The following TRUB1 variants were observed in gnomAD, a reference collection of about 807,000 sequenced individuals.
TRUB1 encodes TruB pseudouridine synthase family member 1.
A neutral mutation model predicts 33.9 loss-of-function variants in TRUB1; 23 were observed. The ratio of observed to expected loss-of-function variants is 0.68; its 90% CI spans 0.49 to 0.96. TRUB1 has a LOEUF of 0.96. Among genes scored for constraint, TRUB1 ranks in the 40% least tolerant of loss-of-function variants. The probability of loss-of-function intolerance (pLI) is 0.00; values close to 1 mark genes in which losing one functional copy is unlikely to be tolerated. For synonymous variants in TRUB1, 163 were observed against 165.4 expected (o/e 0.99, Z 0.11); for missense variants, 378 against 422.2 (o/e 0.90, Z 0.92).
chr10:114,945,554 T>TA (rs1431406586), intron 2 of TRUB1, among the ~76,000 whole-genome samples: 1 of 152,246 alleles, frequency 6.6e-6, no homozygotes, highest in Non-Finnish European at 1.5e-5. Flanking sequence ...GTTTAGTTTT[T>TA]ACCCTGAACC....
At chr10:114,961,011 T>C (rs58040011) in intron 4 of TRUB1, among the ~76,000 whole-genome samples, 11,174 of 152,182 alleles carry the variant, frequency 0.073, 785 homozygotes, top group African/African-American at 0.18. Flanking sequence ...TACCACGTGG[T>C]GAAAAATATA....
intron 3 of TRUB1, among the ~76,000 whole-genome samples, chr10:114,953,931 A>G (rs1359197996): frequency 2.6e-5 from 4 of 152,236 alleles, no homozygotes; most frequent in Middle Eastern, 6.8e-3. Flanking sequence ...AACCCAGACA[A>G]TTCCCACCAT....
intron 3 of TRUB1, among the ~76,000 whole-genome samples, chr10:114,957,660 A>C (rs796634831): frequency 4.6e-5 from 7 of 152,344 alleles, no homozygotes; most frequent in African/African-American, 1.7e-4. Context: ...GTTCAAGGCC[A>C]GGGAAGTGGC....
chr10:114,950,376 T>C (rs978217302), intron 2 of TRUB1, among the ~76,000 whole-genome samples: 1 of 152,256 alleles, frequency 6.6e-6, no homozygotes, highest in Non-Finnish European at 1.5e-5. Context: ...GATTGTATTG[T>C]GTTCTTATGC....
intron 3 of TRUB1, among the ~76,000 whole-genome samples, chr10:114,954,213 G>A (rs917551784): frequency 6.6e-5 from 10 of 152,112 alleles, no homozygotes; most frequent in South Asian, 2.1e-4. Flanking sequence ...ATGGAGTTAC[G>A]TCAAGAGTAG....
chr10:114,958,954 G>C (rs1031483734), intron 3 of TRUB1, among the ~76,000 whole-genome samples: 1 of 151,588 alleles, frequency 6.6e-6, no homozygotes, highest in African/African-American at 2.4e-5. Context: ...TGACAACATG[G>C]TGAAACCCCA....
chr10:114,970,316 G>A (rs2084329500), intron 4 of TRUB1, 52 bp from the exon 5 acceptor site: 1 of 1,289,224 alleles, frequency 7.8e-7, no homozygotes, highest in African/African-American at 1.5e-5. Flanking sequence ...TGTGAAAATA[G>A]TACATGTACT....
At chr10:114,951,018 G>T in intron 2 of TRUB1, 76 bp from the exon 3 acceptor site, 1 of 1,326,786 alleles carries the variant, frequency 7.5e-7, no homozygotes, top group South Asian at 1.3e-5. Flanking sequence ...GGGAAATTAT[G>T]ACCAAAAAAT....
rs141707421 is a variant in TRUB1, at chr10:114,976,729, G to C, written c.*1350G>C. ...AAACTCAATGTAAAATGTTATATAT[G>C]CATCAGTACAGCATTTTCAACATAT... On this transcript the variant is annotated 3_prime_UTR_variant, in exon 8 of 8. Coordinates refer to ENST00000298746, the MANE Select transcript of TRUB1 (RefSeq NM_139169.5). 3 of 152,028 alleles carry C rather than the reference G, an allele frequency of 2.0e-5. No homozygotes were observed. The East Asian group carries it at 5.8e-4, about 29-fold the overall frequency. The allele number at this position is 152,028 out of a possible 1,614,324, so 9.4% of individuals were successfully genotyped here.
chr10:114,941,941 C>A (rs1275995656), intron 1 of TRUB1, among the ~76,000 whole-genome samples: 1 of 152,126 alleles, frequency 6.6e-6, no homozygotes, highest in African/African-American at 2.4e-5. Flanking sequence ...CCCGCCACCA[C>A]GTCCGGCTAA....
intron 3 of TRUB1, among the ~76,000 whole-genome samples, chr10:114,953,444 TA>T (rs2084246092): frequency 6.6e-6 from 1 of 152,194 alleles, no homozygotes; most frequent in Non-Finnish European, 1.5e-5. Context: ...TATTTTTTAA[TA>T]AAAAGTAGTT....
chr10:114,946,559 G>A lies in TRUB1; in HGVS notation c.385+3816G>A, dbSNP rs146892662. Among the ~76,000 whole-genome samples, 167 of 152,016 alleles carry A rather than the reference G, an allele frequency of 1.1e-3. 2 individuals are homozygous for A. The East Asian group carries it at 0.031, about 28-fold the overall frequency. On this transcript the variant is annotated intron_variant, in intron 2 of 7. Coordinates refer to ENST00000298746, the MANE Select transcript of TRUB1 (RefSeq NM_139169.5). The stretch of plus-strand genomic sequence containing the variant: ...GTTTCATCATGTTGACCAGGGTGGT[G>A]TTGGACTCCTGATCTCAAGTGATCT...
At position 114,942,198 on chromosome 10, in the gene TRUB1, A is replaced by G. The variant is rs146790211; in HGVS notation, c.287-447A>G. Among the ~76,000 whole-genome samples, 131 of 152,344 alleles carry G rather than the reference A, an allele frequency of 8.6e-4. 2 individuals are homozygous for G. The highest frequency in any genetic ancestry group is 2.1e-3 in the Admixed American group (32 of 15,304). ...TAGCCCTGCATGAGATGTACTCGCA[A>G]TGTTAGGTAGCTGGAGATAGCAGCA... On this transcript the variant is annotated intron_variant, in intron 1 of 7. Transcript: ENST00000298746.
intron 1 of TRUB1, among the ~76,000 whole-genome samples, chr10:114,939,793 C>T (rs1290253713): frequency 6.7e-6 from 1 of 148,864 alleles, no homozygotes; most frequent in Admixed American, 6.7e-5. Context: ...CTGCTGCTTT[C>T]CTGATTTGTT....
At chr10:114,964,386 A>T (rs2084297806) in intron 4 of TRUB1, among the ~76,000 whole-genome samples, 1 of 151,476 alleles carries the variant, frequency 6.6e-6, no homozygotes, top group African/African-American at 2.4e-5. Flanking sequence ...TTTATTAAGC[A>T]CCTTCCATTC....
chr10:114,951,562 TAAAGA>T (rs2084235349), intron 3 of TRUB1, among the ~76,000 whole-genome samples: 2 of 152,286 alleles, frequency 1.3e-5, no homozygotes, highest in East Asian at 3.9e-4. Context: ...AAATGTTTAT[TAAAGA>T]AAAGAGTAGG....
rs2084350369 is a variant in TRUB1 at position 114,974,315 on chromosome 10, T to A, written c.737-14T>A. 3.1e-6 allele frequency: 5 copies of A among 1,609,656 alleles called. No homozygotes were observed. The South Asian group carries it at 4.4e-5, about 14-fold the overall frequency. On this transcript the variant is annotated splice_polypyrimidine_tract_variant and intron_variant, in intron 6 of 7. Coordinates refer to ENST00000298746, the MANE Select transcript of TRUB1 (RefSeq NM_139169.5). ...GGAGGTTAGCAATTTACTATGTCAC[T>A]GTTAACATTCCAGATGTTGAATGTG... is the stretch of plus-strand genomic sequence containing the variant.
intron 6 of TRUB1, among the ~76,000 whole-genome samples, chr10:114,972,855 T>A (rs1340326570): frequency 6.6e-6 from 1 of 152,162 alleles, no homozygotes; most frequent in Non-Finnish European, 1.5e-5. Context: ...TTTTAATTTC[T>A]AATATATATT....
At chr10:114,945,274 C>T (rs932946082) in intron 2 of TRUB1, among the ~76,000 whole-genome samples, 1 of 152,180 alleles carries the variant, frequency 6.6e-6, no homozygotes, top group Non-Finnish European at 1.5e-5. Flanking sequence ...GTTCCTCATG[C>T]CCTGTGCTCT....
Sources: gnomAD v4.1 joint callset for allele counts (sites outside exome capture counted in the v4.1 genomes callset) on GRCh38, gnomAD v4.1.1 for gene constraint, MANE v1.5 for transcripts, NCBI Gene and HGNC (gene_info 2026-07-23, HGNC 2026-07-21) for gene names.